ITGB5: variants seen among roughly 807,000 people sequenced by gnomAD.
ITGB5 encodes integrin subunit beta 5.
A neutral mutation model predicts 84.8 loss-of-function variants in ITGB5; 38 were observed. That is an observed-to-expected ratio of 0.45 (90% confidence interval 0.35 to 0.59). The LOEUF (loss-of-function observed/expected upper bound fraction) is 0.59, where lower values mean the gene tolerates loss of function less well. Ranked by LOEUF, ITGB5 falls within the 20% of genes least tolerant of loss-of-function variation. The probability of loss-of-function intolerance (pLI) is 0.01; values close to 1 mark genes in which losing one functional copy is unlikely to be tolerated. For missense variants in ITGB5, 905 were observed against 1,034.5 expected (o/e 0.87, Z 1.72); for synonymous variants, 393 against 414.4 (o/e 0.95, Z 0.63).
chr3:124,764,582 G>A (rs1201328310), intron 13 of ITGB5, 25 bp from the exon 14 acceptor site: 1 of 1,588,976 alleles, frequency 6.3e-7, no homozygotes, highest in Non-Finnish European at 8.6e-7. Context: ...AGCATGGTAA[G>A]CAAAGCCACT....
At chr3:124,774,786 C>G (rs1285004434) in intron 10 of ITGB5, among the ~76,000 whole-genome samples, 1 of 151,104 alleles carries the variant, frequency 6.6e-6, no homozygotes, top group African/African-American at 2.4e-5. Context: ...ATGCTGAGAA[C>G]AGCAGCAGCA....
chr3:124,878,684 T>C (rs1297389130), intron 1 of ITGB5: 1 of 152,212 alleles, frequency 6.6e-6, no homozygotes, highest in Non-Finnish European at 1.5e-5. Context: ...CCACAGGCTG[T>C]GTGCTGGTAT....
intron 3 of ITGB5, among the ~76,000 whole-genome samples, chr3:124,856,052 A>G (rs986304801): frequency 1.3e-5 from 2 of 151,920 alleles, no homozygotes; most frequent in African/African-American, 4.8e-5. Context: ...GGATCCTTCC[A>G]CCTCAGTCTC....
At chr3:124,844,679 A>G (rs2065054862) in intron 4 of ITGB5, among the ~76,000 whole-genome samples, 1 of 152,228 alleles carries the variant, frequency 6.6e-6, no homozygotes, top group Non-Finnish European at 1.5e-5. Flanking sequence ...GCTGAGCCTC[A>G]GTCCTGCAGA....
At chr3:124,766,447 T>TGG in intron 12 of ITGB5, 102 bp from the exon 13 acceptor site, 1 of 1,381,400 alleles carries the variant, frequency 7.2e-7, no homozygotes, top group South Asian at 1.4e-5. Flanking sequence ...GGAAAGGGCA[T>TGG]GGGGGGTGTG....
At chr3:124,770,975 T>C (rs1055219716) in intron 11 of ITGB5, among the ~76,000 whole-genome samples, 2 of 150,054 alleles carry the variant, frequency 1.3e-5, no homozygotes, top group Non-Finnish European at 3.0e-5. Flanking sequence ...CAGGATTCTC[T>C]GTCCCTGCCA....
Position 124,840,307 on chromosome 3 carries a change from G to A in ITGB5, c.780+1076C>T, listed in dbSNP as rs527752796. Among the ~76,000 whole-genome samples, 3 of 152,326 alleles carry A rather than the reference G, an allele frequency of 2.0e-5. No individual in the cohort carries two copies. In the South Asian group the frequency reaches 6.2e-4, roughly 32 times the overall value. The stretch of plus-strand genomic sequence containing the variant: ...TTGAGGAATCTGCCTGAATTTTCAA[G>A]AAAGTATTACCAATTATTCACACTC... On this transcript the variant is annotated intron_variant, in intron 5 of 14. Coordinates refer to ENST00000296181, the MANE Select transcript of ITGB5 (RefSeq NM_002213.5).
intron 5 of ITGB5, among the ~76,000 whole-genome samples, chr3:124,840,045 GTTTT>G (rs1459103394): frequency 6.6e-6 from 1 of 152,188 alleles, no homozygotes; most frequent in African/African-American, 2.4e-5. Context: ...TGCCATTTTG[GTTTT>G]TTATTTCAGA....
intron 1 of ITGB5, among the ~76,000 whole-genome samples, chr3:124,878,140 G>A (rs1336412884): frequency 1.3e-5 from 2 of 152,078 alleles, no homozygotes; most frequent in South Asian, 2.1e-4. Flanking sequence ...GTGAGCCACC[G>A]TATCCAGCTT....
In ITGB5 at chr3:124,848,391, A is replaced by C. The variant is rs1216605734; in HGVS notation, c.529T>G (p.Leu177Val). ...EMRKLTSNFR[L>V]GFGSFVDKDI... ...TTATCAACAAAAGACCCAAATCCCAACCGGAAGTTGCTGGTGAGCTTCCTC... is the reference window on the plus strand; with the variant it reads ...TTATCAACAAAAGACCCAAATCCCACCCGGAAGTTGCTGGTGAGCTTCCTC... Residue 177 changes from leucine to valine, a missense_variant, in exon 4 of 15, where the codon TTG becomes GTG. By Grantham distance (32) the Leu-to-Val change is conservative (BLOSUM62 1). Around this residue, in one of 3 missense-constraint regions of ITGB5, gnomAD observed 656 missense variants for 734.7 expected, o/e 0.89. Transcript: ENST00000296181. The C allele has an allele frequency of 6.2e-7, 1 of 1,613,886 alleles. No homozygotes were observed. The highest frequency in any genetic ancestry group is 8.5e-7 in the Non-Finnish European group (1 of 1,180,006).
At chr3:124,785,785 C>T (rs911809248) in intron 10 of ITGB5, among the ~76,000 whole-genome samples, 2 of 152,088 alleles carry the variant, frequency 1.3e-5, no homozygotes, top group African/African-American at 2.4e-5. Flanking sequence ...CTGACATATC[C>T]TTATGTAACC....
At chr3:124,841,275 G>C (rs1027350800) in intron 5 of ITGB5, 108 bp downstream of exon 5, 1 of 1,048,934 alleles carries the variant, frequency 9.5e-7, no homozygotes, top group Non-Finnish European at 1.4e-6. Context: ...GAGTGGTCAG[G>C]AGCCACATGC....
intron 6 of ITGB5, among the ~76,000 whole-genome samples, chr3:124,821,021 TCCTGTTTCC>T (rs1246585243): frequency 6.6e-6 from 1 of 152,140 alleles, no homozygotes; most frequent in Admixed American, 6.5e-5. Context: ...ATGAGATCTA[TCCTGTTTCC>T]CCTGGGCCAC....
At chr3:124,836,516 T>G (rs1338532404) in intron 5 of ITGB5, among the ~76,000 whole-genome samples, 1 of 152,180 alleles carries the variant, frequency 6.6e-6, no homozygotes, top group Non-Finnish European at 1.5e-5. Flanking sequence ...CAATAGTGCA[T>G]TATTGTTACT....
chr3:124,845,094 T>C (rs2065059551), intron 4 of ITGB5, among the ~76,000 whole-genome samples: 1 of 152,176 alleles, frequency 6.6e-6, no homozygotes, highest in Non-Finnish European at 1.5e-5. Flanking sequence ...TGGCTGTGGA[T>C]CCACCTGAAG....
chr3:124,832,140 CT>C (rs957563079), intron 5 of ITGB5, among the ~76,000 whole-genome samples: 39 of 152,232 alleles, frequency 2.6e-4, no homozygotes, highest in African/African-American at 8.4e-4. Flanking sequence ...CTTTCTTCCC[CT>C]GGGACTGTTT....
chr3:124,816,026 T>C (rs2064585174), intron 8 of ITGB5, among the ~76,000 whole-genome samples: 1 of 152,094 alleles, frequency 6.6e-6, no homozygotes, highest in African/African-American at 2.4e-5. Context: ...AAGGAAGTCT[T>C]CAGTTTCTCA....
rs141873550 is a variant in ITGB5, at chr3:124,762,656, C to T, written c.*967G>A. 1 of 152,380 alleles carries T rather than the reference C, an allele frequency of 6.6e-6. No individual in the cohort carries two copies. Among genetic ancestry groups the T allele is most frequent in the East Asian group, 1.9e-4 (1 of 5,192 alleles). The allele number at this position is 152,380 out of a possible 1,614,324, so 9.4% of individuals were successfully genotyped here. A position where few individuals can be genotyped will look rare whatever the true frequency, so the allele number is the denominator to read the frequency against. Reference sequence around the variant, plus strand: ...TGTGGGAACCACCACTCAACCCTTGCTTGTCTGTACAATCTATTTCCAGCC... The same window carrying T: ...TGTGGGAACCACCACTCAACCCTTGTTTGTCTGTACAATCTATTTCCAGCC... On this transcript the variant is annotated 3_prime_UTR_variant, in exon 15 of 15. Coordinates refer to ENST00000296181, the MANE Select transcript of ITGB5 (RefSeq NM_002213.5).
At chr3:124,769,276 T>G (rs1471439106) in intron 11 of ITGB5, 163 bp from the exon 12 acceptor site, 1 of 602,994 alleles carries the variant, frequency 1.7e-6, no homozygotes, top group Non-Finnish European at 2.9e-6. Context: ...CTTCTTGTTA[T>G]GGGAGGAAGC....
Sources: allele counts gnomAD v4.1 joint callset (sites outside exome capture counted in the v4.1 genomes callset), GRCh38; gene constraint gnomAD v4.1.1; regional missense constraint gnomAD v4.1.1; transcripts MANE v1.5; gene names NCBI Gene and HGNC (gene_info 2026-07-23, HGNC 2026-07-21).